PLXND1: variants seen among roughly 807,000 people sequenced by gnomAD.
PLXND1 encodes plexin-D1.
In PLXND1, 54 loss-of-function variants were observed where a neutral mutation model predicts 197.7. The observed-to-expected ratio is 0.27, with a 90% CI of 0.22 to 0.34. The LOEUF (loss-of-function observed/expected upper bound fraction) is 0.34, where lower values mean the gene tolerates loss of function less well. Among genes scored for constraint, PLXND1 ranks in the 10% least tolerant of loss-of-function variants. The probability of loss-of-function intolerance (pLI) is 1.00; values close to 1 mark genes in which losing one functional copy is unlikely to be tolerated. For missense variants in PLXND1, 2,127 were observed against 2,699.2 expected, an observed-to-expected ratio of 0.79 and a Z score of 4.70; for synonymous variants, 1,180 against 1,161.2, an observed-to-expected ratio of 1.02 and a Z score of -0.33.
intron 8 of PLXND1, among the ~76,000 whole-genome samples, chr3:129,578,892 T>A (rs946725615): frequency 6.6e-6 from 1 of 152,160 alleles, no homozygotes; most frequent in Non-Finnish European, 1.5e-5. Flanking sequence ...AAGAGAAACC[T>A]TGGGCTTCCA....
At position 129,600,892 on chromosome 3, in the gene PLXND1, T is replaced by C. The variant is rs566771754; in HGVS notation, c.1311+4437A>G. On this transcript the variant is annotated intron_variant, in intron 1 of 35. Coordinates refer to ENST00000324093, the MANE Select transcript of PLXND1 (RefSeq NM_015103.3). ...CACTGCATGCCAGTTTAAAACTGCC[T>C]GATGGTTTTTTTTCCACCTTTACTA... 1.4e-4 allele frequency among the ~76,000 whole-genome samples: 22 copies of C among 152,244 alleles called. No individual in the cohort carries two copies. In the South Asian group the frequency reaches 4.3e-3, roughly 30 times the overall value.
At chr3:129,589,320 A>ACCCCCTCC in intron 2 of PLXND1, 31 bp downstream of exon 2, 1 of 343,182 alleles carries the variant, frequency 2.9e-6, no homozygotes, top group East Asian at 6.3e-5. Context: ...TCCCACCCCC[A>ACCCCCTCC]CCCCCTCCCC....
Position 129,556,622 on chromosome 3 carries a change from G to A in PLXND1, c.5656C>T (p.Pro1886Ser), listed in dbSNP as rs758404419. The change falls in exon 35 of 36, where the codon CCG (proline) becomes TCG (serine). Residue 1886 changes from proline to serine, a missense_variant. This residue lies in a region of PLXND1 where 200 missense variants were observed against 303.3 expected (regional missense o/e 0.66). Transcript: ENST00000324093. ...EIYKYAKRYR[P>S]QIMAALEANP... The stretch of plus-strand genomic sequence containing the variant: ...CCTCACCCTGGGGCACTCACCTGCG[G>A]CCGATACCTCTTGGCGTACTTATAA... 9.9e-6 allele frequency: 16 copies of A among 1,611,436 alleles called. No individual in the cohort carries two copies. In the South Asian group the frequency reaches 1.8e-4, roughly 18 times the overall value.
chr3:129,602,437 C>A (rs1184061951), intron 1 of PLXND1, among the ~76,000 whole-genome samples: 1 of 152,240 alleles, frequency 6.6e-6, no homozygotes, highest in Non-Finnish European at 1.5e-5. Flanking sequence ...TGCTCCTCCG[C>A]CCCCTCCGCT....
intron 29 of PLXND1, chr3:129,561,062 A>C (rs2085052017): frequency 4.1e-6 from 2 of 491,998 alleles, no homozygotes; most frequent in African/African-American, 3.9e-5. Flanking sequence ...GGGACTTGGA[A>C]GGAGGGACAG....
intron 14 of PLXND1, 47 bp from the exon 15 acceptor site, chr3:129,572,795 G>A (rs771651495): frequency 4.3e-6 from 7 of 1,611,850 alleles, no homozygotes; most frequent in Non-Finnish European, 5.9e-6. Flanking sequence ...GCCCCCGGGA[G>A]TGTGCGTGCT....
chr3:129,586,868 A>G, intron 2 of PLXND1, 149 bp from the exon 3 acceptor site: 1 of 854,480 alleles, frequency 1.2e-6, no homozygotes, highest in Non-Finnish European at 1.8e-6. Context: ...CGTGCAGGGG[A>G]GGGCACAGGG....
chr3:129,605,241 C>T (rs935412379), intron 1 of PLXND1, 88 bp downstream of exon 1: 1 of 557,504 alleles, frequency 1.8e-6, no homozygotes, highest in East Asian at 4.3e-5. Flanking sequence ...GTGACCCACT[C>T]AGCTCACGAC....
chr3:129,574,385 C>T lies in PLXND1; in HGVS notation c.2636G>A (p.Gly879Glu), dbSNP rs1305527323. 4.3e-6 allele frequency: 7 copies of T among 1,611,620 alleles called. No homozygotes were observed. Among genetic ancestry groups the T allele is most frequent in the Non-Finnish European group, 5.9e-6 (7 of 1,179,404 alleles). Reference protein sequence around the residue: ...CMWSDGCRLRGPLQPMAGTCP... With the variant: ...CMWSDGCRLREPLQPMAGTCP... Reference sequence around the variant, plus strand: ...GGTGCCAGCCATGGGCTGCAGAGGCCCCCGCAGGCGGCAGCCATCACTCCA... The same window carrying T: ...GGTGCCAGCCATGGGCTGCAGAGGCTCCCGCAGGCGGCAGCCATCACTCCA... The change falls in exon 12 of 36, where the codon GGG (glycine) becomes GAG (glutamate). Residue 879 changes from glycine to glutamate, a missense_variant. Physicochemically the swap from Gly to Glu is moderately conservative, Grantham distance 98 (BLOSUM62 -2). Around this residue, in one of 6 missense-constraint regions of PLXND1, gnomAD observed 1,095 missense variants for 1,259.8 expected, o/e 0.87. Coordinates refer to ENST00000324093, the MANE Select transcript of PLXND1 (RefSeq NM_015103.3).
chr3:129,593,608 AGAAAG>A (rs1434949682), intron 1 of PLXND1, among the ~76,000 whole-genome samples: 1 of 152,264 alleles, frequency 6.6e-6, no homozygotes, highest in Non-Finnish European at 1.5e-5. Context: ...TGTTTACAAA[AGAAAG>A]GAACCTAATT....
intron 22 of PLXND1, 103 bp downstream of exon 22, chr3:129,567,389 T>A: frequency 1.4e-6 from 1 of 705,806 alleles, no homozygotes; most frequent in Non-Finnish European, 2.6e-6. Flanking sequence ...CTGTGCAGGT[T>A]TGGCACTGCT....
At chr3:129,561,083 A>G (rs1271396326) in intron 29 of PLXND1, 2 of 482,806 alleles carry the variant, frequency 4.1e-6, no homozygotes, top group East Asian at 1.2e-4. Context: ...CGGTGGAGAG[A>G]AACAGGAAGA....
chr3:129,594,766 A>G (rs2085595798), intron 1 of PLXND1, among the ~76,000 whole-genome samples: 1 of 152,182 alleles, frequency 6.6e-6, no homozygotes, highest in Non-Finnish European at 1.5e-5. Flanking sequence ...GTAAGATGTT[A>G]GCAATGGGAG....
At chr3:129,567,884 C>T (rs921371946) in intron 20 of PLXND1, 79 bp from the exon 21 acceptor site, 8 of 788,332 alleles carry the variant, frequency 1.0e-5, no homozygotes, top group Non-Finnish European at 1.5e-5. Flanking sequence ...ATTCTGGCCT[C>T]CGCTCCAGCT....
intron 8 of PLXND1, among the ~76,000 whole-genome samples, chr3:129,580,609 G>A (rs926919572): frequency 2.0e-5 from 3 of 152,092 alleles, no homozygotes; most frequent in African/African-American, 7.2e-5. Context: ...AGTGAATGAT[G>A]TGTGACCATC....
chr3:129,561,048 T>C lies in PLXND1; in HGVS notation c.4994-325A>G, dbSNP rs1194924361. 6.4e-6 allele frequency: 3 copies of C among 471,730 alleles called. No individual in the cohort carries two copies. In the East Asian group the frequency reaches 1.9e-4, roughly 30 times the overall value. 29.2% of individuals were successfully genotyped at this position (471,730 alleles called of 1,614,324 possible). A position where few individuals can be genotyped will look rare whatever the true frequency, so the allele number is the denominator to read the frequency against. On this transcript the variant is annotated intron_variant, in intron 29 of 35. Coordinates refer to ENST00000324093, the MANE Select transcript of PLXND1 (RefSeq NM_015103.3). Reference sequence around the variant, plus strand: ...AAGACACACACACAGTGACCCGGGATGGAGGGACTTGGAAGGAGGGACAGC... The same window carrying C: ...AAGACACACACACAGTGACCCGGGACGGAGGGACTTGGAAGGAGGGACAGC...
In PLXND1 at chr3:129,572,946, G is replaced by A. The variant is rs759498500; in HGVS notation, c.2838-5C>T. 7 of 1,608,514 alleles carry A rather than the reference G, an allele frequency of 4.4e-6. No homozygotes were observed. In the African/African-American group the frequency reaches 5.4e-5, roughly 12 times the overall value. On this transcript the variant is annotated splice_region_variant and splice_polypyrimidine_tract_variant and intron_variant, in intron 13 of 35. Transcript: ENST00000324093. Reference sequence around the variant, plus strand: ...GGCCCTGTGACACACACGATCCTGAGGGGAGGTGCTGTGGTCAGCCAGCGG... The same window carrying A: ...GGCCCTGTGACACACACGATCCTGAAGGGAGGTGCTGTGGTCAGCCAGCGG...
At chr3:129,591,042 A>G (rs369521489) in intron 1 of PLXND1, among the ~76,000 whole-genome samples, 1 of 152,362 alleles carries the variant, frequency 6.6e-6, no homozygotes, top group African/African-American at 2.4e-5. Flanking sequence ...TTTCAAAAGA[A>G]AGCAATAAAT....
In PLXND1 at chr3:129,589,354, G is replaced by A. The variant is rs748913773; in HGVS notation, c.1485C>T (p.Leu495=). Residue 495 remains leucine (L), a synonymous_variant, in exon 2 of 36, where the codon CTC becomes CTT. Transcript: ENST00000324093. ...CCACATCCCCAACCATACCTACCTTGAGAAGCCTCCCGTTGACCGTGCCCA... is the reference window on the plus strand; with the variant it reads ...CCACATCCCCAACCATACCTACCTTAAGAAGCCTCCCGTTGACCGTGCCCA... The part of the protein sequence containing the change: ...VFLGTVNGRL[L]KINLNESMQV... 1.0e-5 allele frequency: 14 copies of A among 1,358,410 alleles called. No individual in the cohort carries two copies. The highest frequency in any genetic ancestry group is 2.0e-6 in the Non-Finnish European group (2 of 1,013,268). 84.1% of individuals were successfully genotyped at this position (1,358,410 alleles called of 1,614,324 possible). A position where few individuals can be genotyped will look rare whatever the true frequency, so the allele number is the denominator to read the frequency against.
Sources: gnomAD v4.1 joint callset for allele counts (sites outside exome capture counted in the v4.1 genomes callset) on GRCh38, gnomAD v4.1.1 for gene constraint, gnomAD v4.1.1 regional missense constraint, MANE v1.5 for transcripts, NCBI Gene and HGNC (gene_info 2026-07-23, HGNC 2026-07-21) for gene names.